PCNX3: variants seen among roughly 807,000 people sequenced by gnomAD.
The protein encoded by PCNX3 is pecanex-like protein 3.
PCNX3 carries 58 observed loss-of-function variants against 207.2 expected under a neutral mutation model. The ratio of observed to expected loss-of-function variants is 0.28; its 90% confidence interval spans 0.23 to 0.35. PCNX3 has a LOEUF of 0.35. Among genes scored for constraint, PCNX3 ranks in the 10% least tolerant of loss-of-function variants. PCNX3 has a pLI of 1.00. For synonymous variants in PCNX3, 1,337 were observed against 1,183.5 expected, an observed-to-expected ratio of 1.13 and a Z score of -2.66; for missense variants, 2,410 against 2,774.4, an observed-to-expected ratio of 0.87 and a Z score of 2.95.
chr11:65,618,429 A>G lies in PCNX3; in HGVS notation c.1067A>G (p.Asp356Gly), dbSNP rs770797859. The G allele has an allele frequency of 6.2e-7, 1 of 1,612,038 alleles. No homozygotes were observed. The highest frequency in any genetic ancestry group is 1.1e-5 in the South Asian group (1 of 91,022). ...TCACCAGACGCCGGGGTCCCCTCAG[A>G]TGACACGCTGCGTTCCTTTGACACG... ...PASPDAGVPS[D>G]DTLRSFDTVI... Residue 356 changes from aspartate (D) to glycine (G), a missense_variant, in exon 6 of 35, where the codon GAT becomes GGT. Asp to Gly is a moderately conservative substitution (Grantham distance 94). Coordinates refer to ENST00000355703, the MANE Select transcript of PCNX3 (RefSeq NM_032223.4).
At chr11:65,626,632 T>C in intron 20 of PCNX3, 1 of 515,652 alleles carries the variant, frequency 1.9e-6, no homozygotes, top group South Asian at 2.0e-5. Context: ...CAGCCTGCTG[T>C]ACGTAGGTGT....
At position 65,634,077 on chromosome 11, in the gene PCNX3, A is replaced by G. The variant is rs371343666; in HGVS notation, c.4471-49A>G. On this transcript the variant is annotated intron_variant, in intron 27 of 34. Transcript: ENST00000355703. ...TCTGAACCTCCATGCTTTCTCCTCCAGTGGCCAGGGCCGGGACCCCGGCCT... is the reference window on the plus strand; with the variant it reads ...TCTGAACCTCCATGCTTTCTCCTCCGGTGGCCAGGGCCGGGACCCCGGCCT... 1.2e-5 allele frequency: 18 copies of G among 1,523,422 alleles called. No homozygotes were observed. In the African/African-American group the frequency reaches 2.3e-4, roughly 20 times the overall value. 94.4% of individuals were successfully genotyped at this position (1,523,422 alleles called of 1,614,324 possible). A position where few individuals can be genotyped will look rare whatever the true frequency, so the allele number is the denominator to read the frequency against.
At chr11:65,626,161 G>T in intron 20 of PCNX3, 107 bp downstream of exon 20, 1 of 1,409,856 alleles carries the variant, frequency 7.1e-7, no homozygotes, top group Non-Finnish European at 9.7e-7. Context: ...GGGGGCACTC[G>T]CTGCCCACAC....
chr11:65,622,853 C>T (rs1027378883), intron 11 of PCNX3, among the ~76,000 whole-genome samples: 21 of 152,258 alleles, frequency 1.4e-4, no homozygotes, highest in African/African-American at 3.1e-4. Context: ...CTGCCCGCCT[C>T]GGCCTCCCAA....
At chr11:65,622,635 G>A (rs1485808346) in intron 11 of PCNX3, among the ~76,000 whole-genome samples, 2 of 152,144 alleles carry the variant, frequency 1.3e-5, no homozygotes, top group African/African-American at 2.4e-5. Flanking sequence ...TCTCTCTGTC[G>A]TCCAGGCTGG....
chr11:65,616,230 T>C lies in PCNX3; in HGVS notation c.-82T>C, dbSNP rs2135388626. 1 of 1,206,292 alleles carries C rather than the reference T, an allele frequency of 8.3e-7. No homozygotes were observed. Among genetic ancestry groups the C allele is most frequent in the Non-Finnish European group, 1.1e-6 (1 of 917,806 alleles). 74.7% of individuals were successfully genotyped at this position (1,206,292 alleles called of 1,614,324 possible). On this transcript the variant is annotated 5_prime_UTR_variant, in exon 1 of 35. Transcript: ENST00000355703. ...AGCGTGAGGCCGGGCCCCGGGGCCCTCAGGCGCCAGACGGGGCATGGGCCG... is the reference window on the plus strand; with the variant it reads ...AGCGTGAGGCCGGGCCCCGGGGCCCCCAGGCGCCAGACGGGGCATGGGCCG...
Position 65,619,735 on chromosome 11 carries a change from T to C in PCNX3, c.1830-19T>C, listed in dbSNP as rs1321058033. The C allele has an allele frequency of 7.0e-6, 11 of 1,562,226 alleles. No individual in the cohort carries two copies. The highest frequency in any genetic ancestry group is 9.5e-6 in the Non-Finnish European group (11 of 1,160,982). On this transcript the variant is annotated intron_variant, in intron 7 of 34. Transcript: ENST00000355703. ...CCGCAAGCTCTAGCTGGCGCTGACC[T>C]GGGGCTGACCCTCTCCAGCAGCCTG...
In PCNX3 at chr11:65,629,365, G is replaced by A. The variant is rs137897880; in HGVS notation, c.3950G>A (p.Arg1317His). ...GCACTCTCTCTGAACAGCACTAAAC[G>A]TGTGGATCATTCCAACACCCGCCTG... ...KFWERDYNTK[R>H]VDHSNTRLVT... The change falls in exon 25 of 35, where the codon CGT becomes CAT. Residue 1317 changes from arginine (R) to histidine (H), a missense_variant. Physicochemically the swap from Arg to His is conservative, Grantham distance 29. This residue lies in a region of PCNX3 where 420 missense variants were observed against 705.3 expected (regional missense o/e 0.60). Transcript: ENST00000355703. The A allele has an allele frequency of 3.1e-6, 5 of 1,610,938 alleles. No individual in the cohort carries two copies. Among genetic ancestry groups the A allele is most frequent in the East Asian group, 2.2e-5 (1 of 44,796 alleles).
chr11:65,617,219 G>C (rs1184262748), intron 2 of PCNX3, 31 bp from the exon 3 acceptor site: 4 of 1,565,818 alleles, frequency 2.6e-6, no homozygotes, highest in Admixed American at 3.7e-5. Context: ...GGAGAGGTTA[G>C]CTCAAAGCTG....
rs747211072 is a variant in PCNX3 at position 65,624,242 on chromosome 11, C to T, written c.2592C>T (p.Ile864=). 1.9e-6 allele frequency: 3 copies of T among 1,607,524 alleles called. No homozygotes were observed. The highest frequency in any genetic ancestry group is 8.5e-7 in the Non-Finnish European group (1 of 1,177,170). Residue 864 remains isoleucine (I), a synonymous_variant, in exon 14 of 35, where the codon ATC becomes ATT. Transcript: ENST00000355703. ...ACAGCCGTCCTGTCTACTTCTGCAT[C>T]TGCTGTCTGCTCATCTGGCTGCTGG... ...IAYSRPVYFC[I]CCLLIWLLDA... is the part of the protein sequence containing the mutation.
chr11:65,624,055 C>A (rs947981999), intron 13 of PCNX3, 94 bp downstream of exon 13: 10 of 1,578,378 alleles, frequency 6.3e-6, no homozygotes, highest in Admixed American at 1.7e-5. Flanking sequence ...GGCTGGGGCT[C>A]CCTCACCACC....
intron 10 of PCNX3, 28 bp from the exon 11 acceptor site, chr11:65,622,217 G>T (rs1478879998): frequency 3.1e-6 from 5 of 1,592,604 alleles, no homozygotes; most frequent in African/African-American, 1.3e-5. Context: ...TTGACCTGCT[G>T]GACCAGGACT....
Position 65,620,862 on chromosome 11 carries a change from T to G in PCNX3, c.2131T>G (p.Ser711Ala), listed in dbSNP as rs1855054628. 1 of 1,588,416 alleles carries G rather than the reference T, an allele frequency of 6.3e-7. No homozygotes were observed. The highest frequency in any genetic ancestry group is 1.3e-5 in the African/African-American group (1 of 74,146). ...ACACTCGCATTCCTCCAGCTTCCAC[T>G]CGGCTGATGTCCCTGAGGCTACAGG... is the stretch of plus-strand genomic sequence containing the variant. The part of the protein sequence containing the change: ...DRHSHSSSFH[S>A]ADVPEATGGL... The change falls in exon 10 of 35, where the codon TCG (serine) becomes GCG (alanine). Residue 711 changes from serine to alanine, a missense_variant. Physicochemically the swap from Ser to Ala is moderately conservative, Grantham distance 99 (BLOSUM62 1). This residue lies in a region of PCNX3 where 1,104 missense variants were observed against 970.3 expected (regional missense o/e 1.14). Coordinates refer to ENST00000355703, the MANE Select transcript of PCNX3 (RefSeq NM_032223.4).
chr11:65,633,247 A>G (rs1329849225), intron 27 of PCNX3, among the ~76,000 whole-genome samples: 1 of 152,194 alleles, frequency 6.6e-6, no homozygotes. Context: ...CATCCTGGCC[A>G]TGCCAGCTAC....
Position 65,626,850 on chromosome 11 carries a change from C to CGGGG in PCNX3, c.3380-54_3380-53insGGGG. On this transcript the variant is annotated intron_variant, in intron 20 of 34. Transcript: ENST00000355703. ...CTGCCCTCCTAGGGAAGGACTTCCT[C>CGGGG]AGGGAAGGCAGGCATGTGGAAGCCA... 5 of 1,555,014 alleles carry CGGGG rather than the reference C, an allele frequency of 3.2e-6. No homozygotes were observed. In the South Asian group the frequency reaches 3.6e-5, roughly 11 times the overall value.
rs199641438 is a variant in PCNX3, at chr11:65,616,863, C to T, written c.193C>T (p.Leu65Phe). Residue 65 changes from leucine (L) to phenylalanine (F), a missense_variant, in exon 2 of 35, where the codon CTC (leucine) becomes TTC (phenylalanine). Around this residue, in one of 8 missense-constraint regions of PCNX3, gnomAD observed 1,104 missense variants for 970.3 expected, o/e 1.14. Transcript: ENST00000355703. ...CTTGATGGTGGCCGGCGTGTACTGC[C>T]TCGTGGTGGCTGTCATCTTTGCTAC... ...PSLMVAGVYC[L>F]VVAVIFATIK... is the part of the protein sequence containing the mutation. The T allele has an allele frequency of 8.1e-6, 13 of 1,613,636 alleles. No individual in the cohort carries two copies. The East Asian group carries it at 2.7e-4, about 33-fold the overall frequency.
intron 27 of PCNX3, among the ~76,000 whole-genome samples, chr11:65,632,857 A>G (rs998910112): frequency 9.3e-5 from 14 of 150,410 alleles, no homozygotes; most frequent in African/African-American, 2.9e-4. Context: ...TAATCCTCCT[A>G]CCTCAGCCTC....
chr11:65,618,037 G>A lies in PCNX3; in HGVS notation c.675G>A (p.Ala225=), dbSNP rs117720658. The A allele has an allele frequency of 1.2e-3, 1,894 of 1,606,916 alleles. 41 individuals carry two copies. The East Asian group carries it at 0.034, about 29-fold the overall frequency. Residue 225 remains alanine, a synonymous_variant, in exon 6 of 35, where the codon GCG becomes GCA. Coordinates refer to ENST00000355703, the MANE Select transcript of PCNX3 (RefSeq NM_032223.4). ...CTTCTCCCCTGGCTGGAGATGGAGCGCCCTGGAGTGGGAGCAGCATGGCTG... is the reference window on the plus strand; with the variant it reads ...CTTCTCCCCTGGCTGGAGATGGAGCACCCTGGAGTGGGAGCAGCATGGCTG... ...SEPSPLAGDG[A]PWSGSSMADT...
chr11:65,628,762 G>T (rs1174431337), intron 23 of PCNX3, 57 bp from the exon 24 acceptor site: 1 of 1,602,608 alleles, frequency 6.2e-7, no homozygotes, highest in Non-Finnish European at 8.5e-7. Context: ...GGGGCAGTGG[G>T]GGGTGGTGGG....
Sources: allele counts gnomAD v4.1 joint callset (sites outside exome capture counted in the v4.1 genomes callset), GRCh38; gene constraint gnomAD v4.1.1; regional missense constraint gnomAD v4.1.1; transcripts MANE v1.5; gene names NCBI Gene and HGNC (gene_info 2026-07-23, HGNC 2026-07-21).